Variants in C1orf87 observed in about 807,000 individuals in gnomAD.
The protein encoded by C1orf87 is chromosome 1 open reading frame 87, also known as uncharacterized protein C1orf87.
Under a neutral mutation model 60.5 loss-of-function variants are expected in C1orf87, and 58 were observed. The ratio of observed to expected loss-of-function variants is 0.96; its 90% CI spans 0.78 to 1.19. The LOEUF (loss-of-function observed/expected upper bound fraction) is 1.19. Among genes scored for constraint, C1orf87 ranks in the 50% most tolerant of loss-of-function variants. The probability of loss-of-function intolerance (pLI) is 0.00; values close to 1 mark genes in which losing one functional copy is unlikely to be tolerated. For missense variants in C1orf87, 673 were observed against 638.6 expected, an observed-to-expected ratio of 1.05 and a Z score of -0.58; for synonymous variants, 236 against 227.4, an observed-to-expected ratio of 1.04 and a Z score of -0.34.
chr1:60,053,004 C>T (rs1264416004), intron 3 of C1orf87, among the ~76,000 whole-genome samples: 1 of 152,164 alleles, frequency 6.6e-6, no homozygotes, highest in African/African-American at 2.4e-5. Flanking sequence ...CTGTTGAGTT[C>T]TGGGAGGGGA....
Position 60,033,496 on chromosome 1 carries a change from C to T in C1orf87, c.1009G>A (p.Gly337Ser). The T allele has an allele frequency of 1.9e-6, 3 of 1,613,806 alleles. No individual in the cohort carries two copies. Among genetic ancestry groups the T allele is most frequent in the Non-Finnish European group, 1.7e-6 (2 of 1,179,826 alleles). The change falls in exon 7 of 12, where the codon GGC becomes AGC. Residue 337 changes from glycine to serine, a missense_variant. Transcript: ENST00000371201. ...GTTACCTTAGGTAGAGGGAGGCAGC[C>T]AGAGAACGAGCGATCTTCTTTTCGA... ...SFRKEDRSFS[G>S]CLPLPKVRAI...
At position 60,013,897 on chromosome 1, in the gene C1orf87, TTTG is replaced by T. The variant is rs1016084406; in HGVS notation, c.1128-3444_1128-3442del. ...GCAGAGATAGGATTTTCTCACCACA[TTTG>T]TTGTATATCACATACCCCATATTGG... On this transcript the variant is annotated intron_variant, in intron 8 of 11. Transcript: ENST00000371201. 8.5e-5 allele frequency among the ~76,000 whole-genome samples: 13 copies of T among 152,130 alleles called. No individual in the cohort carries two copies. In the South Asian group the frequency reaches 1.0e-3, roughly 12 times the overall value.
chr1:60,055,804 GT>G (rs1288651900), intron 2 of C1orf87, among the ~76,000 whole-genome samples: 1 of 151,900 alleles, frequency 6.6e-6, no homozygotes, highest in Non-Finnish European at 1.5e-5. Context: ...AGTCAAAACA[GT>G]TTGTCAGCTC....
At chr1:60,020,269 G>C (rs1238052042) in intron 8 of C1orf87, among the ~76,000 whole-genome samples, 1 of 152,140 alleles carries the variant, frequency 6.6e-6, no homozygotes, top group Non-Finnish European at 1.5e-5. Context: ...AGGACTCTGT[G>C]CCTGTACAGA....
At chr1:60,025,644 C>T (rs1197120185) in intron 7 of C1orf87, 146 bp from the exon 8 acceptor site, 1 of 612,096 alleles carries the variant, frequency 1.6e-6, no homozygotes, top group East Asian at 3.1e-5. Context: ...TACATTCTAC[C>T]ATTGAGGTAT....
chr1:60,057,909 G>A (rs1046971032), intron 2 of C1orf87, among the ~76,000 whole-genome samples: 1 of 152,170 alleles, frequency 6.6e-6, no homozygotes, highest in African/African-American at 2.4e-5. Flanking sequence ...ATCAATTTGA[G>A]AGCGTGAATG....
At chr1:60,028,853 C>T (rs1442219697) in intron 7 of C1orf87, among the ~76,000 whole-genome samples, 2 of 151,248 alleles carry the variant, frequency 1.3e-5, no homozygotes, top group African/African-American at 4.9e-5. Context: ...TTTTTTTTTC[C>T]ACTCCCATGT....
intron 11 of C1orf87, among the ~76,000 whole-genome samples, chr1:59,993,947 C>T (rs538968126): frequency 2.6e-5 from 4 of 151,896 alleles, no homozygotes; most frequent in South Asian, 2.1e-4. Flanking sequence ...TTAGTAGAAA[C>T]GGGGTTTCAC....
At chr1:60,038,451 T>C (rs933411564) in intron 5 of C1orf87, among the ~76,000 whole-genome samples, 2 of 152,058 alleles carry the variant, frequency 1.3e-5, no homozygotes, top group Admixed American at 1.3e-4. Context: ...TATCCTAAAG[T>C]GGCTATTTCA....
intron 8 of C1orf87, among the ~76,000 whole-genome samples, chr1:60,020,394 A>C (rs1000520006): frequency 3.9e-5 from 6 of 152,352 alleles, no homozygotes; most frequent in African/African-American, 1.4e-4. Context: ...AGCCACAGGC[A>C]TTCAATGCAA....
At chr1:60,023,395 T>C (rs1241609867) in intron 8 of C1orf87, among the ~76,000 whole-genome samples, 1 of 152,188 alleles carries the variant, frequency 6.6e-6, no homozygotes, top group East Asian at 1.9e-4. Context: ...TTTTTCACAC[T>C]GAGTTTTATT....
At chr1:60,019,123 A>C (rs1474414058) in intron 8 of C1orf87, among the ~76,000 whole-genome samples, 1 of 152,180 alleles carries the variant, frequency 6.6e-6, no homozygotes, top group African/African-American at 2.4e-5. Flanking sequence ...TCTAATGTCA[A>C]ACTGTATTCT....
chr1:60,017,424 G>A (rs1245177444), intron 8 of C1orf87, among the ~76,000 whole-genome samples: 1 of 152,124 alleles, frequency 6.6e-6, no homozygotes, highest in East Asian at 1.9e-4. Context: ...GACCAGATGT[G>A]TATGATAAGT....
chr1:60,072,658 TC>T lies in C1orf87; in HGVS notation c.-16del, dbSNP rs562095577. The T allele has an allele frequency of 6.3e-4, 978 of 1,552,936 alleles. 8 individuals carry two copies. The African/African-American group carries it at 0.012, about 19-fold the overall frequency. ...GCTGAAGACATGATTCCTTTCAAAA[TC>T]CCTTCAGATCCCTAGGGGTGAAAAT... is the stretch of plus-strand genomic sequence containing the variant. On this transcript the variant is annotated 5_prime_UTR_variant, in exon 2 of 12. Transcript: ENST00000371201.
chr1:60,024,257 A>G (rs1274817352), intron 8 of C1orf87, among the ~76,000 whole-genome samples: 2 of 152,174 alleles, frequency 1.3e-5, no homozygotes, highest in Non-Finnish European at 2.9e-5. Flanking sequence ...GTTCTTAGAT[A>G]AAATTAAGTT....
At chr1:60,047,732 C>CAAAAAAAAAAAAAAA (rs11415374) in intron 3 of C1orf87, among the ~76,000 whole-genome samples, 2 of 145,786 alleles carry the variant, frequency 1.4e-5, no homozygotes, top group African/African-American at 2.5e-5. Context: ...ATAGCAAGTC[C>CAAAAAAAAAAAAAAA]AAAAAAAAAA....
chr1:60,046,340 CCTTCCTTT>C (rs1435601845), intron 3 of C1orf87, among the ~76,000 whole-genome samples: 2 of 130,492 alleles, frequency 1.5e-5, no homozygotes, highest in South Asian at 3.0e-4. Context: ...CTCCCTCCTT[CCTTCCTTT>C]CTTCCTTTCC....
intron 3 of C1orf87, among the ~76,000 whole-genome samples, chr1:60,048,734 A>AT (rs1300990148): frequency 2.0e-5 from 3 of 152,078 alleles, no homozygotes; most frequent in African/African-American, 7.2e-5. Flanking sequence ...AATGTTCTTA[A>AT]TTAATTCCTT....
intron 7 of C1orf87, among the ~76,000 whole-genome samples, chr1:60,029,561 A>G (rs915383397): frequency 1.3e-5 from 2 of 150,754 alleles, no homozygotes; most frequent in African/African-American, 4.9e-5. Context: ...TGAATTAGCC[A>G]TGCTCTCATG....
Sources: gnomAD v4.1 joint callset for allele counts (sites outside exome capture counted in the v4.1 genomes callset) on GRCh38, gnomAD v4.1.1 for gene constraint, MANE v1.5 for transcripts, NCBI Gene and HGNC (gene_info 2026-07-23, HGNC 2026-07-21) for gene names.